The following EEF1AKMT4 variants were observed in gnomAD, a reference collection of about 807,000 sequenced individuals.
The protein encoded by EEF1AKMT4 is eukaryotic translation elongation factor 1 alpha lysine specific methyltransferase 4.
EEF1AKMT4 carries 17 observed loss-of-function variants against 23.0 expected under a neutral mutation model. That is an observed-to-expected ratio of 0.74 (90% confidence interval 0.51 to 1.11). EEF1AKMT4 has a LOEUF of 1.11. Among genes scored for constraint, EEF1AKMT4 ranks in the 50% least tolerant of loss-of-function variants. The pLI, the probability that EEF1AKMT4 is intolerant of heterozygous loss-of-function variation, is 0.00. For synonymous variants in EEF1AKMT4, 140 were observed against 141.4 expected, an observed-to-expected ratio of 0.99 and a Z score of 0.07; for missense variants, 318 against 333.4, an observed-to-expected ratio of 0.95 and a Z score of 0.36.
chr3:184,254,555 A>AG (rs1719709821), intron 1 of EEF1AKMT4, among the ~76,000 whole-genome samples: 1 of 151,470 alleles, frequency 6.6e-6, no homozygotes, highest in African/African-American at 2.4e-5. Flanking sequence ...AAAAAAAAAA[A>AG]AAAAGAAATT....
chr3:184,257,687 G>A lies in EEF1AKMT4; in HGVS notation c.411G>A (p.Leu137=), dbSNP rs768569862. ...VLEKGTLDAL[L]AGERDPWTVS... ...AGAAGGGCACGCTGGATGCCCTGCT[G>A]GCTGGGGAACGAGATCCCTGGACCG... is the stretch of plus-strand genomic sequence containing the variant. The change falls in exon 2 of 3, where the codon CTG becomes CTA. Residue 137 remains leucine, a synonymous_variant. Transcript: ENST00000324557. 7 of 1,614,184 alleles carry A rather than the reference G, an allele frequency of 4.3e-6. No homozygotes were observed. In the East Asian group the frequency reaches 1.6e-4, roughly 36 times the overall value.
intron 1 of EEF1AKMT4, among the ~76,000 whole-genome samples, chr3:184,251,083 C>T (rs1448063357): frequency 4.7e-5 from 5 of 106,522 alleles, no homozygotes; most frequent in Non-Finnish European, 9.5e-5. Flanking sequence ...AAAACTCTGT[C>T]TCAAAAAAAA....
chr3:184,255,175 G>A (rs1719738729), intron 1 of EEF1AKMT4, among the ~76,000 whole-genome samples: 1 of 152,220 alleles, frequency 6.6e-6, no homozygotes, highest in Admixed American at 6.5e-5. Flanking sequence ...GAGGTCAGGT[G>A]TGGGGGTAAT....
At chr3:184,255,989 C>T (rs1474188096) in intron 1 of EEF1AKMT4, among the ~76,000 whole-genome samples, 8 of 152,258 alleles carry the variant, frequency 5.3e-5, no homozygotes, top group South Asian at 2.1e-4. Flanking sequence ...TCAATACATA[C>T]GTTAAGAATT....
intron 1 of EEF1AKMT4, 95 bp downstream of exon 1, chr3:184,249,985 C>T: frequency 2.2e-6 from 3 of 1,386,548 alleles, no homozygotes; most frequent in Non-Finnish European, 9.8e-7. Context: ...CTGTCTATCC[C>T]TCTTGGAGGA....
At chr3:184,250,207 C>T (rs1362308026) in intron 1 of EEF1AKMT4, among the ~76,000 whole-genome samples, 1 of 152,224 alleles carries the variant, frequency 6.6e-6, no homozygotes, top group Non-Finnish European at 1.5e-5. Context: ...AGATCAAGTC[C>T]TAGCGCTAAT....
At chr3:184,256,199 C>T (rs1413094024) in intron 1 of EEF1AKMT4, among the ~76,000 whole-genome samples, 3 of 145,782 alleles carry the variant, frequency 2.1e-5, no homozygotes, top group Non-Finnish European at 4.5e-5. Context: ...TTGAACCCAG[C>T]AGGCAGAGGT....
intron 1 of EEF1AKMT4, among the ~76,000 whole-genome samples, chr3:184,250,814 T>C (rs978319931): frequency 1.3e-5 from 2 of 152,190 alleles, no homozygotes; most frequent in Admixed American, 6.5e-5. Flanking sequence ...CTGGGCGCGG[T>C]GGCTCACGCC....
chr3:184,250,334 C>T (rs1216212900), intron 1 of EEF1AKMT4, among the ~76,000 whole-genome samples: 1 of 152,202 alleles, frequency 6.6e-6, no homozygotes, highest in Non-Finnish European at 1.5e-5. Flanking sequence ...GAGAATAATG[C>T]CCAGCGCTTT....
chr3:184,258,048 T>C (rs1353254490), intron 2 of EEF1AKMT4, among the ~76,000 whole-genome samples: 1 of 152,122 alleles, frequency 6.6e-6, no homozygotes, highest in Non-Finnish European at 1.5e-5. Context: ...TGAGCAGTTA[T>C]AGGAAAGTGG....
At chr3:184,257,209 CAAAA>C (rs751755981) in intron 1 of EEF1AKMT4, among the ~76,000 whole-genome samples, 3 of 69,500 alleles carry the variant, frequency 4.3e-5, no homozygotes, top group Admixed American at 3.3e-4. Context: ...GAATTCATCT[CAAAA>C]AAAAAAAAAA....
chr3:184,254,677 T>A (rs1298582369), intron 1 of EEF1AKMT4, among the ~76,000 whole-genome samples: 1 of 150,402 alleles, frequency 6.6e-6, no homozygotes, highest in East Asian at 1.9e-4. Flanking sequence ...CAAGACTCCG[T>A]CTCAAAAAAA....
chr3:184,255,945 C>T (rs944552334), intron 1 of EEF1AKMT4, among the ~76,000 whole-genome samples: 34 of 152,172 alleles, frequency 2.2e-4, no homozygotes, highest in African/African-American at 8.2e-4. Context: ...AGGGCAGGGA[C>T]TTTTATTCAT....
rs1380242952 is a variant in EEF1AKMT4, at chr3:184,249,755, C to G, written c.61C>G (p.Arg21Gly). The G allele has an allele frequency of 2.5e-6, 4 of 1,613,178 alleles. No individual in the cohort carries two copies. Among genetic ancestry groups the G allele is most frequent in the Non-Finnish European group, 3.4e-6 (4 of 1,179,982 alleles). ...GTTACCGGAGCGGAACTGCGGGTAC[C>G]GCGAAGTCGAGTACTGGGATCAGCG... ...PELPERNCGY[R>G]EVEYWDQRYQ... Residue 21 changes from arginine (R) to glycine (G), a missense_variant, in exon 1 of 3, where the codon CGC becomes GGC. Transcript: ENST00000324557.
In EEF1AKMT4 at chr3:184,257,862, G is replaced by A. The variant is rs541908887; in HGVS notation, c.480+106G>A. On this transcript the variant is annotated intron_variant, in intron 2 of 2. Transcript: ENST00000324557. Reference sequence around the variant, plus strand: ...AAGCCAGAAGCATGTTTTGGAGCAAGTAGTGGGTCGCCCTCAGGAGTGTGG... The same window carrying A: ...AAGCCAGAAGCATGTTTTGGAGCAAATAGTGGGTCGCCCTCAGGAGTGTGG... The A allele has an allele frequency of 2.9e-6, 4 of 1,400,136 alleles. No homozygotes were observed. In the Admixed American group the frequency reaches 6.8e-5, roughly 24 times the overall value. The allele number at this position is 1,400,136 out of a possible 1,614,324, so 86.7% of individuals were successfully genotyped here.
chr3:184,256,701 G>A (rs781715097), intron 1 of EEF1AKMT4, among the ~76,000 whole-genome samples: 2 of 147,934 alleles, frequency 1.4e-5, no homozygotes, highest in East Asian at 2.0e-4. Flanking sequence ...ACGGAGTTTC[G>A]CTCTTGTCAC....
chr3:184,252,523 G>A (rs972712458), intron 1 of EEF1AKMT4, among the ~76,000 whole-genome samples: 5 of 152,172 alleles, frequency 3.3e-5, no homozygotes, highest in African/African-American at 1.2e-4. Context: ...CTCCAGGTTA[G>A]GGGTCTGTAA....
intron 1 of EEF1AKMT4, among the ~76,000 whole-genome samples, chr3:184,253,701 G>C (rs1056759296): frequency 7.0e-6 from 1 of 142,094 alleles, no homozygotes; most frequent in Non-Finnish European, 1.5e-5. Flanking sequence ...ATGGAATCTC[G>C]TTCTGTTGTC....
In EEF1AKMT4 at chr3:184,249,812, G is replaced by T; in HGVS notation, c.118G>T (p.Asp40Tyr). The change falls in exon 1 of 3, where the codon GAT becomes TAT. Residue 40 changes from aspartate to tyrosine, a missense_variant. By Grantham distance (160) the Asp-to-Tyr change is radical. Transcript: ENST00000324557. ...YQGAADSAPYDWFGDFSSFRA... is the reference protein window; with the variant it reads ...YQGAADSAPYYWFGDFSSFRA... ...AGGCGCAGCCGATTCTGCCCCCTAC[G>T]ATTGGTTCGGGGACTTCTCCTCCTT... is the stretch of plus-strand genomic sequence containing the variant. 6.2e-7 allele frequency: 1 copy of T among 1,613,352 alleles called. No individual in the cohort carries two copies. Among genetic ancestry groups the T allele is most frequent in the Non-Finnish European group, 8.5e-7 (1 of 1,179,982 alleles).
Sources: gnomAD v4.1 joint callset for allele counts (sites outside exome capture counted in the v4.1 genomes callset) on GRCh38, gnomAD v4.1.1 for gene constraint, MANE v1.5 for transcripts, NCBI Gene and HGNC (gene_info 2026-07-23, HGNC 2026-07-21) for gene names.